The following STRN4 variants were observed in gnomAD, a reference collection of about 807,000 sequenced individuals.
STRN4 encodes the protein striatin 4.
A neutral mutation model predicts 77.9 loss-of-function variants in STRN4; 27 were observed. That is an observed-to-expected ratio of 0.35 (90% CI 0.26 to 0.48). The LOEUF is 0.48. Ranked by LOEUF, STRN4 falls within the 20% of genes least tolerant of loss-of-function variation. The pLI, the probability that STRN4 is intolerant of heterozygous loss-of-function variation, is 0.99. For synonymous variants in STRN4, 466 were observed against 443.1 expected, an observed-to-expected ratio of 1.05 and a Z score of -0.65; for missense variants, 798 against 1,049.7, an observed-to-expected ratio of 0.76 and a Z score of 3.31.
chr19:46,728,750 T>C lies in STRN4; in HGVS notation c.907A>G (p.Met303Val), dbSNP rs772456455. Residue 303 changes from methionine to valine, a missense_variant, in exon 7 of 18, where the codon ATG becomes GTG. Physicochemically the swap from Met to Val is conservative, Grantham distance 21 (BLOSUM62 1). This residue lies in a region of STRN4 where 511 missense variants were observed against 575.9 expected (regional missense o/e 0.89). Transcript: ENST00000263280. ...KLPSKALVPE[M>V]EDEDEEDDSE... is the part of the protein sequence containing the mutation. ...TCGTCTTCCTCATCCTCGTCTTCCA[T>C]TTCGGGCACCAGAGCCTTGGATGGG... 3 of 1,614,042 alleles carry C rather than the reference T, an allele frequency of 1.9e-6. No homozygotes were observed. The African/African-American group carries it at 4.0e-5, about 22-fold the overall frequency.
At chr19:46,739,688 T>C (rs953424296) in intron 1 of STRN4, among the ~76,000 whole-genome samples, 7 of 152,146 alleles carry the variant, frequency 4.6e-5, no homozygotes, top group African/African-American at 1.7e-4. Context: ...ACCCCACCGT[T>C]CCAGCCCAGA....
At position 46,738,757 on chromosome 19, in the gene STRN4, G is replaced by A. The variant is rs374418031; in HGVS notation, c.386+28C>T. 3 of 1,611,194 alleles carry A rather than the reference G, an allele frequency of 1.9e-6. No individual in the cohort carries two copies. Among genetic ancestry groups the A allele is most frequent in the African/African-American group, 2.7e-5 (2 of 74,852 alleles). ...ACTGTGCTTGAGACGGACCCAGAAG[G>A]CAGGCCCAGGGCAGGATGAAGGCTC... is the stretch of plus-strand genomic sequence containing the variant. On this transcript the variant is annotated intron_variant, in intron 2 of 17. Transcript: ENST00000263280. This position sits in a 1 kb window ranked among gnomAD's most constrained non-coding sequence, Gnocchi z 4.5.
intron 6 of STRN4, among the ~76,000 whole-genome samples, chr19:46,730,514 T>C (rs1042930348): frequency 2.6e-5 from 4 of 152,170 alleles, no homozygotes; most frequent in African/African-American, 4.8e-5. Flanking sequence ...GCCTCCTTCA[T>C]AGGCACATGC....
In STRN4 at chr19:46,746,295, T is replaced by C; in HGVS notation, c.136A>G (p.Lys46Glu). ...APAPGPGPAG[K>E]GGGGGGSPGP... Reference sequence around the variant, plus strand: ...GGGCTGCCTCCGCCGCCGCCTCCCTTACCTGCCGGGCCCGGCCCGGGGGCA... The same window carrying C: ...GGGCTGCCTCCGCCGCCGCCTCCCTCACCTGCCGGGCCCGGCCCGGGGGCA... The change falls in exon 1 of 18, where the codon AAG (lysine) becomes GAG (glutamate). Residue 46 changes from lysine (K) to glutamate (E), a missense_variant. By Grantham distance (56) the Lys-to-Glu change is moderately conservative (BLOSUM62 1). This residue lies in a region of STRN4 where 511 missense variants were observed against 575.9 expected (regional missense o/e 0.89). Coordinates refer to ENST00000263280, the MANE Select transcript of STRN4 (RefSeq NM_013403.3). 1 of 1,396,890 alleles carries C rather than the reference T, an allele frequency of 7.2e-7. No individual in the cohort carries two copies. Among genetic ancestry groups the C allele is most frequent in the Non-Finnish European group, 9.3e-7 (1 of 1,076,326 alleles). The allele number at this position is 1,396,890 out of a possible 1,614,324, so 86.5% of individuals were successfully genotyped here. A position where few individuals can be genotyped will look rare whatever the true frequency, so the allele number is the denominator to read the frequency against.
At chr19:46,728,821 C>A (rs751573637) in intron 6 of STRN4, 44 bp from the exon 7 acceptor site, 29 of 1,608,066 alleles carry the variant, frequency 1.8e-5, no homozygotes, top group Admixed American at 1.2e-4. Flanking sequence ...GCCTCTTGTC[C>A]AGAGACTAAG....
Position 46,722,866 on chromosome 19 carries a change from A to G in STRN4, c.1850T>C (p.Leu617Ser). The change falls in exon 14 of 18, where the codon TTG (leucine) becomes TCG (serine). Residue 617 changes from leucine to serine, a missense_variant. By Grantham distance (145) the Leu-to-Ser change is moderately radical (BLOSUM62 -2). Around this residue, in one of 2 missense-constraint regions of STRN4, gnomAD observed 287 missense variants for 473.8 expected, o/e 0.61. Transcript: ENST00000263280. The part of the protein sequence containing the change: ...VASFRSGDTV[L>S]YDMEVGSALL... ...GGCACTGCCAACCTCCATGTCATACAAGACGGTGTCGCCAGAGCGGAAGGA... is the reference window on the plus strand; with the variant it reads ...GGCACTGCCAACCTCCATGTCATACGAGACGGTGTCGCCAGAGCGGAAGGA... 1 of 1,613,966 alleles carries G rather than the reference A, an allele frequency of 6.2e-7. No homozygotes were observed. The highest frequency in any genetic ancestry group is 8.5e-7 in the Non-Finnish European group (1 of 1,180,030).
At chr19:46,737,189 C>G (rs544703838) in intron 3 of STRN4, among the ~76,000 whole-genome samples, 1 of 152,178 alleles carries the variant, frequency 6.6e-6, no homozygotes, top group African/African-American at 2.4e-5. Flanking sequence ...AGAGAAGGGC[C>G]GACTGGGTTC....
chr19:46,724,641 G>A (rs1267589124), intron 12 of STRN4, among the ~76,000 whole-genome samples, 166 bp downstream of exon 12: 1 of 152,268 alleles, frequency 6.6e-6, no homozygotes, highest in Admixed American at 6.5e-5. Context: ...TCGTCCCTTG[G>A]CCACGCGCTG....
Position 46,736,863 on chromosome 19 carries a change from T to G in STRN4, c.499A>C (p.Ser167Arg). 6.2e-7 allele frequency: 1 copy of G among 1,612,832 alleles called. No homozygotes were observed. Among genetic ancestry groups the G allele is most frequent in the South Asian group, 1.1e-5 (1 of 90,848 alleles). ...GPVESVTLEN[S>R]PLVWKEGRQL... ...CGCCCCTCCTTCCACACCAACGGGC[T>G]GTTCTCCAGGGTGACCGATTCCACG... Residue 167 changes from serine to arginine, a missense_variant, in exon 4 of 18, where the codon AGC becomes CGC. By Grantham distance (110) the Ser-to-Arg change is moderately radical. Coordinates refer to ENST00000263280, the MANE Select transcript of STRN4 (RefSeq NM_013403.3).
chr19:46,739,010 C>T, intron 1 of STRN4, 122 bp from the exon 2 acceptor site: 1 of 767,204 alleles, frequency 1.3e-6, no homozygotes, highest in Non-Finnish European at 2.2e-6. Flanking sequence ...GCAGCAGCCA[C>T]TTCCTCAGGC....
At chr19:46,720,815 C>T (rs905970805) in intron 16 of STRN4, 44 bp from the exon 17 acceptor site, 19 of 1,502,738 alleles carry the variant, frequency 1.3e-5, no homozygotes, top group South Asian at 2.7e-5. Flanking sequence ...CTGGGCTCCT[C>T]GCTCAGACGC....
In STRN4 at chr19:46,724,249, C is replaced by CAAAAAAA. The variant is rs71970589; in HGVS notation, c.1594+551_1594+557dup. On this transcript the variant is annotated intron_variant, in intron 12 of 17. Coordinates refer to ENST00000263280, the MANE Select transcript of STRN4 (RefSeq NM_013403.3). ...GGTGACAGAGTGAGACTCTTTGTCT[C>CAAAAAAA]AAAAAAAAAAAAAAAAAAAAAAAAA... is the stretch of plus-strand genomic sequence containing the variant. 2.3e-4 allele frequency among the ~76,000 whole-genome samples: 20 copies of CAAAAAAA among 87,182 alleles called. 2 individuals carry two copies. The highest frequency in any genetic ancestry group is 6.3e-4 in the East Asian group (1 of 1,582). The allele number at this position is 87,182 out of a possible 152,430, so 57.2% of individuals were successfully genotyped here.
chr19:46,738,085 C>A lies in STRN4; in HGVS notation c.460+79G>T. The A allele has an allele frequency of 2.8e-6, 4 of 1,410,000 alleles. No individual in the cohort carries two copies. The allele number at this position is 1,410,000 out of a possible 1,614,324, so 87.3% of individuals were successfully genotyped here. ...TCTAAGGAGCAAAGTGAGAAAGAGG[C>A]ACCCCATCTTCCTGCTTCTCCAGAA... On this transcript the variant is annotated intron_variant, in intron 3 of 17. Coordinates refer to ENST00000263280, the MANE Select transcript of STRN4 (RefSeq NM_013403.3). The surrounding 1 kb of genome is among the most constrained non-coding windows in gnomAD (Gnocchi z 4.5).
intron 6 of STRN4, 134 bp from the exon 7 acceptor site, chr19:46,728,911 C>G: frequency 1.5e-6 from 2 of 1,361,548 alleles, no homozygotes; most frequent in East Asian, 2.4e-5. Flanking sequence ...CGCCAGCCAG[C>G]TGCCCTGGAG....
chr19:46,735,978 A>AATG (rs1203340061), intron 4 of STRN4, among the ~76,000 whole-genome samples: 5 of 149,140 alleles, frequency 3.4e-5, no homozygotes, highest in Middle Eastern at 3.5e-3. Context: ...TAATAATAAT[A>AATG]ATGATAATAA....
Position 46,735,254 on chromosome 19 carries a change from C to T in STRN4, c.539+1569G>A, listed in dbSNP as rs147333938. Among the ~76,000 whole-genome samples the T allele has an allele frequency of 5.2e-3, 793 of 151,968 alleles. 3 individuals carry two copies. The highest frequency in any genetic ancestry group is 8.7e-3 in the Non-Finnish European group (589 of 67,962). ...CCGGGAGGCAGAGGTTGCAGTGAGC[C>T]GAGATTATGCCACTGCACTCCACTC... On this transcript the variant is annotated intron_variant, in intron 4 of 17. Transcript: ENST00000263280.
At chr19:46,727,856 G>A in intron 8 of STRN4, 38 bp downstream of exon 8, 1 of 1,527,958 alleles carries the variant, frequency 6.5e-7, no homozygotes, top group African/African-American at 1.4e-5. Context: ...TCTGCCATGG[G>A]CCCGCAGGAC....
chr19:46,743,911 A>G (rs1445738178), intron 1 of STRN4, among the ~76,000 whole-genome samples: 6 of 151,726 alleles, frequency 4.0e-5, no homozygotes, highest in Non-Finnish European at 7.4e-5. Flanking sequence ...TCAAAAAAAT[A>G]AAAATAAAAA....
At chr19:46,737,625 G>C (rs1433664789) in intron 3 of STRN4, among the ~76,000 whole-genome samples, 3 of 149,714 alleles carry the variant, frequency 2.0e-5, no homozygotes, top group African/African-American at 7.4e-5. Flanking sequence ...GTGCGTCTCT[G>C]TATCTGTGCT....
Sources: gnomAD v4.1 joint callset for allele counts (sites outside exome capture counted in the v4.1 genomes callset) on GRCh38, gnomAD v4.1.1 for gene constraint, gnomAD v4.1.1 regional missense constraint, Gnocchi (gnomAD v3.1) non-coding constraint, MANE v1.5 for transcripts, NCBI Gene and HGNC (gene_info 2026-07-23, HGNC 2026-07-21) for gene names.